PPIL1: variants seen among roughly 807,000 people sequenced by gnomAD.
The protein encoded by PPIL1 is peptidyl-prolyl cis-trans isomerase-like 1.
PPIL1 carries 14 observed loss-of-function variants against 19.4 expected under a neutral mutation model. The observed-to-expected ratio is 0.72, with a 90% CI of 0.48 to 1.13. The LOEUF is 1.13. Among genes scored for constraint, PPIL1 ranks in the 50% most tolerant of loss-of-function variants. The probability of loss-of-function intolerance (pLI) is 0.00; values close to 1 mark genes in which losing one functional copy is unlikely to be tolerated. For missense variants in PPIL1, 192 were observed against 218.0 expected, an observed-to-expected ratio of 0.88 and a Z score of 0.75; for synonymous variants, 72 against 73.6, an observed-to-expected ratio of 0.98 and a Z score of 0.11.
intron 1 of PPIL1, 39 bp downstream of exon 1, chr6:36,874,678 C>T (rs761591768): frequency 6.2e-7 from 1 of 1,608,228 alleles, no homozygotes; most frequent in Admixed American, 1.7e-5. Context: ...CCGGGCTCCG[C>T]GTCTCCTCTG....
chr6:36,862,779 G>A (rs34510528), intron 2 of PPIL1, among the ~76,000 whole-genome samples: 11,138 of 152,258 alleles, frequency 0.073, 419 homozygotes, highest in South Asian at 0.099. Context: ...CGTGGGATTA[G>A]GTTTTCTGTT....
intron 2 of PPIL1, among the ~76,000 whole-genome samples, chr6:36,869,721 A>G (rs1292604787): frequency 6.6e-6 from 1 of 152,242 alleles, no homozygotes; most frequent in Non-Finnish European, 1.5e-5. Context: ...CAGAACAGAT[A>G]ATAATAAAAC....
rs755549469 is a variant in PPIL1 at position 36,874,763 on chromosome 6, T to C, written c.10A>G (p.Ile4Val). MAA[I>V]PPDSWQPPNV... ...GGTGGCTGCCAGGAATCTGGGGGAATTGCCGCCATAGCGAAGCCGGCGGCG... is the reference window on the plus strand; with the variant it reads ...GGTGGCTGCCAGGAATCTGGGGGAACTGCCGCCATAGCGAAGCCGGCGGCG... The change falls in exon 1 of 4, where the codon ATT (isoleucine) becomes GTT (valine). Residue 4 changes from isoleucine (I) to valine (V), a missense_variant. Ile to Val is a conservative substitution (Grantham distance 29). Coordinates refer to ENST00000373699, the MANE Select transcript of PPIL1 (RefSeq NM_016059.5). 5.0e-6 allele frequency: 8 copies of C among 1,613,984 alleles called. No homozygotes were observed. In the East Asian group the frequency reaches 8.9e-5, roughly 18 times the overall value.
chr6:36,857,033 CTTTT>C lies in PPIL1; in HGVS notation c.212-383_212-380del, dbSNP rs548981114. Reference sequence around the variant, plus strand: ...GTTAAGAGGTTTCTTGATTTTTAACCTTTTTTTGAGTATTTTAGACATGAGTGCC... The same window carrying C: ...GTTAAGAGGTTTCTTGATTTTTAACCTTTGAGTATTTTAGACATGAGTGCC... On this transcript the variant is annotated intron_variant, in intron 2 of 3. Transcript: ENST00000373699. Among the ~76,000 whole-genome samples, 108 of 152,130 alleles carry C rather than the reference CTTTT, an allele frequency of 7.1e-4. 3 individuals carry two copies. The East Asian group carries it at 0.018, about 25-fold the overall frequency.
At chr6:36,864,198 A>G (rs1253228672) in intron 2 of PPIL1, among the ~76,000 whole-genome samples, 2 of 151,940 alleles carry the variant, frequency 1.3e-5, no homozygotes, top group Non-Finnish European at 2.9e-5. Flanking sequence ...TGGTAGCCAC[A>G]GGGATCCTTT....
intron 2 of PPIL1, among the ~76,000 whole-genome samples, chr6:36,866,786 T>C (rs1414089899): frequency 1.3e-5 from 2 of 152,122 alleles, no homozygotes; most frequent in Admixed American, 1.3e-4. Flanking sequence ...TACATCGAAG[T>C]ACCGACGGAA....
chr6:36,865,382 A>G (rs1176279358), intron 2 of PPIL1, among the ~76,000 whole-genome samples: 1 of 152,138 alleles, frequency 6.6e-6, no homozygotes, highest in African/African-American at 2.4e-5. Context: ...TGTCCCCTAA[A>G]CAGGCAGTTC....
intron 2 of PPIL1, among the ~76,000 whole-genome samples, chr6:36,862,020 A>G (rs1774301149): frequency 6.6e-6 from 1 of 152,178 alleles, no homozygotes; most frequent in Non-Finnish European, 1.5e-5. Flanking sequence ...AAAACAAAAC[A>G]CAAAAAACCC....
intron 2 of PPIL1, among the ~76,000 whole-genome samples, chr6:36,861,052 A>G (rs989849352): frequency 6.6e-6 from 1 of 152,054 alleles, no homozygotes; most frequent in Admixed American, 6.5e-5. Flanking sequence ...CGACCATGCT[A>G]TAAAAACTAT....
chr6:36,863,861 C>T (rs1011389892), intron 2 of PPIL1, among the ~76,000 whole-genome samples: 12 of 151,792 alleles, frequency 7.9e-5, no homozygotes, highest in Non-Finnish European at 1.3e-4. Context: ...TTGGCTTCCA[C>T]GACTCCACAT....
intron 2 of PPIL1, among the ~76,000 whole-genome samples, chr6:36,866,608 T>C (rs1465725763): frequency 6.6e-6 from 1 of 152,066 alleles, no homozygotes; most frequent in African/African-American, 2.4e-5. Context: ...TTATGAAGGA[T>C]CATGAACCAA....
intron 2 of PPIL1, among the ~76,000 whole-genome samples, chr6:36,869,097 T>A (rs1298681293): frequency 1.3e-5 from 2 of 151,774 alleles, no homozygotes; most frequent in Non-Finnish European, 2.9e-5. Flanking sequence ...GTGATCCTCC[T>A]ACCTCAGCCT....
chr6:36,860,583 CTA>C (rs1234721903), intron 2 of PPIL1, among the ~76,000 whole-genome samples: 1 of 152,014 alleles, frequency 6.6e-6, no homozygotes, highest in Non-Finnish European at 1.5e-5. Flanking sequence ...AAGAAATAAA[CTA>C]TTGCAAATCC....
chr6:36,856,568 G>C lies in PPIL1; in HGVS notation c.280+18C>G. On this transcript the variant is annotated intron_variant, in intron 3 of 3. Transcript: ENST00000373699. The stretch of plus-strand genomic sequence containing the variant: ...AAAATCCCCGTTCCTACCCAGTCCA[G>C]CCAAATTATACACTTACCCGTGAAT... The C allele has an allele frequency of 6.2e-7, 1 of 1,611,526 alleles. No homozygotes were observed. Among genetic ancestry groups the C allele is most frequent in the African/African-American group, 1.3e-5 (1 of 75,018 alleles).
In PPIL1 at chr6:36,855,924, G is replaced by A; in HGVS notation, c.390C>T (p.Gly130=). The A allele has an allele frequency of 6.2e-7, 1 of 1,614,110 alleles. No individual in the cohort carries two copies. The highest frequency in any genetic ancestry group is 2.2e-5 in the East Asian group (1 of 44,878). The change falls in exon 4 of 4, where the codon GGC becomes GGT. Residue 130 remains glycine (G), a synonymous_variant. Coordinates refer to ENST00000373699, the MANE Select transcript of PPIL1 (RefSeq NM_016059.5). ...CCATTCCTATGCCCTGACACACTCGGCCAAAAATGGTGTGTTTGCCGTCAA... is the reference window on the plus strand; with the variant it reads ...CCATTCCTATGCCCTGACACACTCGACCAAAAATGGTGTGTTTGCCGTCAA... ...QWLDGKHTIF[G]RVCQGIGMVN...
At chr6:36,871,965 C>G in intron 1 of PPIL1, 93 bp from the exon 2 acceptor site, 1 of 1,181,412 alleles carries the variant, frequency 8.5e-7, no homozygotes. Context: ...GATTTTCAAG[C>G]TTGTAAGTCA....
chr6:36,870,210 A>C (rs1774480216), intron 2 of PPIL1, among the ~76,000 whole-genome samples: 1 of 152,214 alleles, frequency 6.6e-6, no homozygotes, highest in African/African-American at 2.4e-5. Flanking sequence ...TGCTATAGAG[A>C]AAACCAAACT....
intron 2 of PPIL1, among the ~76,000 whole-genome samples, chr6:36,861,180 T>C (rs7745555): frequency 0.11 from 16,480 of 152,150 alleles, 966 homozygotes; most frequent in Admixed American, 0.13. Flanking sequence ...AAGTGCCTTA[T>C]TGAAAAGGAT....
rs139669405 is a variant in PPIL1 at position 36,866,155 on chromosome 6, C to G, written c.211+5563G>C. On this transcript the variant is annotated intron_variant, in intron 2 of 3. Transcript: ENST00000373699. ...AAACAAATAAAAGACACTCAGAGGGCTAAGGAAAGAGCCTCTATAGTTATT... is the reference window on the plus strand; with the variant it reads ...AAACAAATAAAAGACACTCAGAGGGGTAAGGAAAGAGCCTCTATAGTTATT... 8.0e-4 allele frequency among the ~76,000 whole-genome samples: 121 copies of G among 152,102 alleles called. 1 individual carries two copies. In the East Asian group the frequency reaches 0.023, roughly 29 times the overall value.
Sources: gnomAD v4.1 joint callset for allele counts (sites outside exome capture counted in the v4.1 genomes callset) on GRCh38, gnomAD v4.1.1 for gene constraint, MANE v1.5 for transcripts, NCBI Gene and HGNC (gene_info 2026-07-23, HGNC 2026-07-21) for gene names.